STRADA: variants seen among roughly 807,000 people sequenced by gnomAD.
STRADA encodes the protein STE20 related adaptor alpha.
In STRADA, 26 loss-of-function variants were observed where a neutral mutation model predicts 55.0. The ratio of observed to expected loss-of-function variants is 0.47; its 90% CI spans 0.35 to 0.66. STRADA has a LOEUF of 0.66. Ranked by LOEUF, STRADA falls within the 30% of genes least tolerant of loss-of-function variation. The pLI is 0.01. For synonymous variants in STRADA, 197 were observed against 210.9 expected (o/e 0.93, Z 0.57); for missense variants, 443 against 549.7 (o/e 0.81, Z 1.94).
chr17:63,735,295 G>A (rs6504177), intron 1 of STRADA, among the ~76,000 whole-genome samples: 100,395 of 152,182 alleles, frequency 0.66, 33,581 homozygotes, highest in African/African-American at 0.78. Flanking sequence ...ACAATATGGC[G>A]TAGTAAAAAA....
rs61151502 is a variant in STRADA at position 63,703,988 on chromosome 17, C to CCA, written c.1143+16_1143+17insTG. On this transcript the variant is annotated intron_variant, in intron 12 of 12. Transcript: ENST00000336174. ...ACCAGAACTAGAACCAGAACCAGAACGAAGGGGCTACGATACCTGCTTGAA... is the reference window on the plus strand; with the variant it reads ...ACCAGAACTAGAACCAGAACCAGAACCAGAAGGGGCTACGATACCTGCTTGAA... 9.3e-6 allele frequency: 15 copies of CCA among 1,613,672 alleles called. No individual in the cohort carries two copies. In the African/African-American group the frequency reaches 1.2e-4, roughly 13 times the overall value.
chr17:63,715,162 G>C (rs891662784), intron 4 of STRADA: 3 of 152,230 alleles, frequency 2.0e-5, no homozygotes, highest in Middle Eastern at 6.3e-3. Flanking sequence ...TCTTTGGGAA[G>C]CGGCTCTGCA....
chr17:63,705,326 A>G (rs1250645423), intron 10 of STRADA: 1 of 222,838 alleles, frequency 4.5e-6, no homozygotes, highest in Non-Finnish European at 9.1e-6. Context: ...CATGGCTCCC[A>G]CGCTAGACAG....
intron 8 of STRADA, 50 bp from the exon 9 acceptor site, chr17:63,707,468 A>G (rs543425692): frequency 8.5e-5 from 136 of 1,597,112 alleles, no homozygotes; most frequent in Non-Finnish European, 1.1e-4. Flanking sequence ...CCCTCCTGCT[A>G]CAAATTTTTG....
chr17:63,703,735 G>A lies in STRADA; in HGVS notation c.1160C>T (p.Ser387Leu), dbSNP rs2035867405. The A allele has an allele frequency of 1.2e-6, 2 of 1,614,058 alleles. No individual in the cohort carries two copies. The highest frequency in any genetic ancestry group is 2.2e-5 in the South Asian group (2 of 91,092). The change falls in exon 13 of 13, where the codon TCA becomes TTA. Residue 387 changes from serine (S) to leucine (L), a missense_variant. Physicochemically the swap from Ser to Leu is moderately radical, Grantham distance 145. Coordinates refer to ENST00000336174, the MANE Select transcript of STRADA (RefSeq NM_001003787.4). ...SFFKQIKRRA[S>L]EALPELLRPV... ...ACGAAGCAATTCGGGCAAAGCCTCT[G>A]AGGCACGTCGCTTGATCTGGGGGAG...
intron 1 of STRADA, among the ~76,000 whole-genome samples, chr17:63,739,224 C>G (rs995045411): frequency 8.6e-5 from 13 of 151,704 alleles, no homozygotes; most frequent in African/African-American, 3.1e-4. Context: ...TCTTTATAGC[C>G]CCCTATACAA....
intron 4 of STRADA, among the ~76,000 whole-genome samples, chr17:63,716,098 T>G (rs1205292806): frequency 6.6e-6 from 1 of 150,420 alleles, no homozygotes; most frequent in Non-Finnish European, 1.5e-5. Context: ...GTACGTGGTT[T>G]TTTTTTTTTT....
At chr17:63,741,387 C>G (rs1212956574) in intron 1 of STRADA, 1 of 152,378 alleles carries the variant, frequency 6.6e-6, no homozygotes, top group Non-Finnish European at 1.5e-5. Context: ...GCGGGGAGCC[C>G]AGGACCGGGG....
chr17:63,711,419 C>T (rs190821431), intron 6 of STRADA, among the ~76,000 whole-genome samples: 4 of 152,268 alleles, frequency 2.6e-5, no homozygotes, highest in African/African-American at 7.2e-5. Flanking sequence ...GGTGTGATCC[C>T]GTCTCACTGC....
rs780562744 is a variant in STRADA at position 63,710,808 on chromosome 17, T to C, written c.377A>G (p.Asn126Ser). The stretch of plus-strand genomic sequence containing the variant: ...TCGATATGGCACGATATTGGGATGG[T>C]TGAAGAGTTTGGAGACATGCAGCTC... ...QGELHVSKLF[N>S]HPNIVPYRAT... Residue 126 changes from asparagine to serine, a missense_variant, in exon 7 of 13, where the codon AAC (asparagine) becomes AGC (serine). Physicochemically the swap from Asn to Ser is conservative, Grantham distance 46. Coordinates refer to ENST00000336174, the MANE Select transcript of STRADA (RefSeq NM_001003787.4). The C allele has an allele frequency of 9.3e-6, 15 of 1,614,060 alleles. 1 individual carries two copies. Among genetic ancestry groups the C allele is most frequent in the African/African-American group, 1.3e-5 (1 of 74,910 alleles).
chr17:63,732,457 C>A (rs546268935), intron 1 of STRADA, among the ~76,000 whole-genome samples: 87 of 151,410 alleles, frequency 5.7e-4, no homozygotes, highest in African/African-American at 1.8e-3. Flanking sequence ...ATAGCTGGGA[C>A]CACAGGTGTG....
At position 63,713,442 on chromosome 17, in the gene STRADA, T is replaced by C. The variant is rs768646571; in HGVS notation, c.312A>G (p.Leu104=). ...GEYVTVRRIN[L]EACSNEMVTF... is the part of the protein sequence containing the mutation. ...TTACCATCTCATTGGAACAAGCTTC[T>C]AGGTTAATCCTCCGTACAGTCACGT... Residue 104 remains leucine, a synonymous_variant, in exon 6 of 13, where the codon CTA becomes CTG. Transcript: ENST00000336174. The C allele has an allele frequency of 1.9e-6, 3 of 1,614,066 alleles. No homozygotes were observed. Among genetic ancestry groups the C allele is most frequent in the South Asian group, 1.1e-5 (1 of 91,080 alleles).
At position 63,710,549 on chromosome 17, in the gene STRADA, T is replaced by C; in HGVS notation, c.523A>G (p.Ile175Val). 1 of 1,613,954 alleles carries C rather than the reference T, an allele frequency of 6.2e-7. No homozygotes were observed. The highest frequency in any genetic ancestry group is 8.5e-7 in the Non-Finnish European group (1 of 1,179,876). ...AGGGCCTTCAGCACCCCCTGCAGGA[T>C]GTAAGCAATCGCCAGCTCATTCATG... ...DGMNELAIAY[I>V]LQGVLKALDY... Residue 175 changes from isoleucine (I) to valine (V), a missense_variant, in exon 8 of 13, where the codon ATC (isoleucine) becomes GTC (valine). Physicochemically the swap from Ile to Val is conservative, Grantham distance 29. Coordinates refer to ENST00000336174, the MANE Select transcript of STRADA (RefSeq NM_001003787.4).
intron 4 of STRADA, chr17:63,714,388 T>G: frequency 2.7e-6 from 1 of 364,234 alleles, no homozygotes; most frequent in Non-Finnish European, 5.3e-6. Flanking sequence ...ATCAATGCAT[T>G]TGCTAAAAGC....
At chr17:63,722,745 T>G (rs2037396921) in intron 4 of STRADA, among the ~76,000 whole-genome samples, 1 of 152,224 alleles carries the variant, frequency 6.6e-6, no homozygotes, top group South Asian at 2.1e-4. Flanking sequence ...GTGCTATTTA[T>G]TTAAGTAAAA....
Position 63,704,472 on chromosome 17 carries a change from C to A in STRADA, c.969G>T (p.Leu323=). 6.2e-7 allele frequency: 1 copy of A among 1,613,290 alleles called. No homozygotes were observed. The highest frequency in any genetic ancestry group is 1.1e-5 in the South Asian group (1 of 91,008). Residue 323 remains leucine, a synonymous_variant, in exon 11 of 13, where the codon CTG becomes CTT. Transcript: ENST00000336174. ...GGGTGCTGGTGGTCAGGCTGTCACT[C>A]AGGCCAGAGTTGGCCACTGAGCGCG... ...SPSRSVANSG[L]SDSLTTSTPR... is the part of the protein sequence containing the mutation.
At chr17:63,726,877 C>T (rs1473282429) in intron 2 of STRADA, 182 bp from the exon 3 acceptor site, 1 of 605,842 alleles carries the variant, frequency 1.7e-6, no homozygotes, top group Non-Finnish European at 2.9e-6. Flanking sequence ...ATTCCTTTCT[C>T]CACTCCTCTT....
chr17:63,713,583 A>G (rs2143912014), intron 5 of STRADA, 56 bp from the exon 6 acceptor site: 6 of 1,583,752 alleles, frequency 3.8e-6, no homozygotes, highest in East Asian at 4.5e-5. Context: ...AGGTTTTAAG[A>G]AAATTTTCCT....
At chr17:63,740,115 T>G (rs1249476329) in intron 1 of STRADA, among the ~76,000 whole-genome samples, 1 of 82,446 alleles carries the variant, frequency 1.2e-5, no homozygotes, top group African/African-American at 6.1e-5. Flanking sequence ...TATACATACA[T>G]ACATATATAT....
Sources: gnomAD v4.1 joint callset for allele counts (sites outside exome capture counted in the v4.1 genomes callset) on GRCh38, gnomAD v4.1.1 for gene constraint, MANE v1.5 for transcripts, NCBI Gene and HGNC (gene_info 2026-07-23, HGNC 2026-07-21) for gene names.